CACNA2D2: variants seen among roughly 807,000 people sequenced by gnomAD.
CACNA2D2 encodes calcium voltage-gated channel auxiliary subunit alpha2delta 2.
A neutral mutation model predicts 166.4 loss-of-function variants in CACNA2D2; 48 were observed. The ratio of observed to expected loss-of-function variants is 0.29; its 90% CI spans 0.23 to 0.37. The LOEUF (loss-of-function observed/expected upper bound fraction) is 0.37. Ranked by LOEUF, CACNA2D2 falls within the 10% of genes least tolerant of loss-of-function variation. The pLI is 1.00. For synonymous variants in CACNA2D2, 561 were observed against 573.7 expected (o/e 0.98, Z 0.32); for missense variants, 1,122 against 1,433.0 (o/e 0.78, Z 3.50).
intron 17 of CACNA2D2, 71 bp downstream of exon 17, chr3:50,377,396 A>G: frequency 7.9e-7 from 1 of 1,263,534 alleles, no homozygotes; most frequent in East Asian, 2.4e-5. Flanking sequence ...AATACCCATC[A>G]GTCTTCTCTG....
chr3:50,438,383 G>A (rs1420445050), intron 2 of CACNA2D2, among the ~76,000 whole-genome samples: 5 of 152,194 alleles, frequency 3.3e-5, no homozygotes, highest in African/African-American at 9.7e-5. Flanking sequence ...TCTTCAGTTA[G>A]GCATCAGGGC....
chr3:50,490,231 T>TAA (rs891827008), intron 1 of CACNA2D2, among the ~76,000 whole-genome samples: 1 of 152,132 alleles, frequency 6.6e-6, no homozygotes, highest in Non-Finnish European at 1.5e-5. Context: ...GCATTTGGGT[T>TAA]CAGCTGGCTC....
chr3:50,438,252 T>A (rs1708438167), intron 2 of CACNA2D2, among the ~76,000 whole-genome samples: 1 of 152,058 alleles, frequency 6.6e-6, no homozygotes, highest in Admixed American at 6.5e-5. Flanking sequence ...TGACCATGGC[T>A]CAGCTGGTGC....
intron 4 of CACNA2D2, among the ~76,000 whole-genome samples, chr3:50,389,706 A>G (rs923007947): frequency 1.6e-4 from 25 of 152,290 alleles, no homozygotes; most frequent in African/African-American, 5.3e-4. Flanking sequence ...GGAACATCAG[A>G]TATTGGTGGC....
chr3:50,477,041 C>T (rs1411720074), intron 1 of CACNA2D2, among the ~76,000 whole-genome samples: 3 of 151,794 alleles, frequency 2.0e-5, no homozygotes, highest in Admixed American at 6.6e-5. Flanking sequence ...GCCATTCTCC[C>T]GCCTCAGCCT....
At chr3:50,496,992 GAT>G (rs1560008759) in intron 1 of CACNA2D2, among the ~76,000 whole-genome samples, 2 of 152,230 alleles carry the variant, frequency 1.3e-5, no homozygotes, top group Admixed American at 6.5e-5. Flanking sequence ...AGGTGGGAAA[GAT>G]GGATACTGAT....
intron 5 of CACNA2D2, among the ~76,000 whole-genome samples, chr3:50,385,508 T>G (rs587770139): frequency 2.0e-5 from 3 of 152,350 alleles, no homozygotes; most frequent in African/African-American, 7.2e-5. Flanking sequence ...GTGTCTTGTC[T>G]GGGGAAAGGG....
chr3:50,484,661 AC>A (rs376881872), intron 1 of CACNA2D2, among the ~76,000 whole-genome samples: 29 of 149,364 alleles, frequency 1.9e-4, no homozygotes, highest in African/African-American at 4.9e-4. Context: ...TTGAAATTGC[AC>A]CCCCCCCAGC....
intron 23 of CACNA2D2, among the ~76,000 whole-genome samples, chr3:50,369,204 AC>A: frequency 6.6e-6 from 1 of 152,234 alleles, no homozygotes; most frequent in East Asian, 1.9e-4. Flanking sequence ...CTTGAGATAC[AC>A]CAAGTCACTT....
Position 50,384,320 on chromosome 3 carries a change from C to T in CACNA2D2, c.528G>A (p.Glu176=), listed in dbSNP as rs372100606. ...ADAELDDPES[E]DVERGSKAST... ...TGGCCTTAGACCCCCTTTCCACATC[C>T]TCACTCTCAGGGTCGTCCTGCAGAA... The change falls in exon 6 of 38, where the codon GAG becomes GAA. Residue 176 remains glutamate, a synonymous_variant. Transcript: ENST00000424201. The T allele has an allele frequency of 6.3e-5, 102 of 1,614,040 alleles. No homozygotes were observed. The highest frequency in any genetic ancestry group is 8.0e-5 in the Non-Finnish European group (94 of 1,179,934).
rs1451544416 is a variant in CACNA2D2, at chr3:50,378,276, A to AG, written c.1389+7dup. ...GGGGCTGGGAGGAGGGGCCTCCCCA[A>AG]GTCTCACCTGTGTGTTGATGCGGAT... On this transcript the variant is annotated splice_region_variant and intron_variant, in intron 14 of 37. Transcript: ENST00000424201. 16 of 1,553,886 alleles carry AG rather than the reference A, an allele frequency of 1.0e-5. No homozygotes were observed. In the South Asian group the frequency reaches 1.7e-4, roughly 16 times the overall value.
intron 4 of CACNA2D2, among the ~76,000 whole-genome samples, chr3:50,390,572 C>A (rs1705835581): frequency 1.3e-5 from 2 of 152,124 alleles, no homozygotes; most frequent in South Asian, 2.1e-4. Context: ...CCCTGACATA[C>A]CCTGTGTTAT....
At chr3:50,397,394 G>C (rs982662617) in intron 3 of CACNA2D2, among the ~76,000 whole-genome samples, 2 of 152,190 alleles carry the variant, frequency 1.3e-5, no homozygotes, top group African/African-American at 4.8e-5. Flanking sequence ...AGCTGGTGGG[G>C]TGCAGTGGAG....
intron 2 of CACNA2D2, among the ~76,000 whole-genome samples, chr3:50,449,231 C>G (rs1708994216): frequency 6.6e-6 from 1 of 152,142 alleles, no homozygotes; most frequent in African/African-American, 2.4e-5. Context: ...AAGATGGCAG[C>G]CCCCCACCCC....
At chr3:50,451,452 A>G (rs968065047) in intron 2 of CACNA2D2, among the ~76,000 whole-genome samples, 1 of 152,048 alleles carries the variant, frequency 6.6e-6, no homozygotes, top group Non-Finnish European at 1.5e-5. Flanking sequence ...GCCCCTCCCC[A>G]GGCTGCCTGA....
chr3:50,378,137 C>T (rs1260493429), intron 14 of CACNA2D2, 40 bp from the exon 15 acceptor site: 3 of 1,590,826 alleles, frequency 1.9e-6, no homozygotes, highest in Admixed American at 3.3e-5. Flanking sequence ...AGTGCCTTTC[C>T]CAGGCACTGC....
rs573984547 is a variant in CACNA2D2, at chr3:50,468,829, C to CTCTT, written c.288+7288_288+7289insAAGA. On this transcript the variant is annotated intron_variant, in intron 2 of 37. Coordinates refer to ENST00000424201, the MANE Select transcript of CACNA2D2 (RefSeq NM_006030.4). ...TACTCCATTCCATCCCCTTCTCTCT[C>CTCTT]TTTTTTTTTTTTTTTTTGAGATAGA... 2.1e-3 allele frequency among the ~76,000 whole-genome samples: 278 copies of CTCTT among 133,086 alleles called. 1 individual carries two copies. Among genetic ancestry groups the CTCTT allele is most frequent in the African/African-American group, 7.4e-3 (256 of 34,600 alleles). 87.3% of individuals were successfully genotyped at this position (133,086 alleles called of 152,430 possible). A position where few individuals can be genotyped will look rare whatever the true frequency, so the allele number is the denominator to read the frequency against.
chr3:50,444,822 T>G (rs771160092), intron 2 of CACNA2D2, among the ~76,000 whole-genome samples: 3 of 152,214 alleles, frequency 2.0e-5, no homozygotes, highest in Non-Finnish European at 2.9e-5. Flanking sequence ...TGTCCTCTCA[T>G]GGTATCAGGG....
intron 3 of CACNA2D2, among the ~76,000 whole-genome samples, chr3:50,421,941 A>G (rs551763638): frequency 1.3e-5 from 2 of 152,152 alleles, no homozygotes; most frequent in South Asian, 4.1e-4. Flanking sequence ...TGAGGAAGGA[A>G]TACGAGAGGC....
Sources: gnomAD v4.1 joint callset for allele counts (sites outside exome capture counted in the v4.1 genomes callset) on GRCh38, gnomAD v4.1.1 for gene constraint, MANE v1.5 for transcripts, NCBI Gene and HGNC (gene_info 2026-07-23, HGNC 2026-07-21) for gene names.